PTCHD4: variants seen among roughly 807,000 people sequenced by gnomAD.
PTCHD4 encodes the protein patched domain-containing protein 4.
PTCHD4 carries 33 observed loss-of-function variants against 58.1 expected under a neutral mutation model. The ratio of observed to expected loss-of-function variants is 0.57; its 90% confidence interval spans 0.43 to 0.76. The LOEUF is 0.76. Ranked by LOEUF, PTCHD4 falls within the 30% of genes least tolerant of loss-of-function variation. The pLI is 0.00. For synonymous variants in PTCHD4, 478 were observed against 409.6 expected, an observed-to-expected ratio of 1.17 and a Z score of -2.02; for missense variants, 1,058 against 1,027.1, an observed-to-expected ratio of 1.03 and a Z score of -0.41.
At chr6:47,977,215 T>C (rs1767725727) in intron 4 of PTCHD4, among the ~76,000 whole-genome samples, 1 of 152,204 alleles carries the variant, frequency 6.6e-6, no homozygotes, top group South Asian at 2.1e-4. Context: ...CACCTCCTAG[T>C]ATTTATTCTC....
chr6:47,914,395 T>A (rs1765166052), intron 4 of PTCHD4, among the ~76,000 whole-genome samples: 1 of 152,036 alleles, frequency 6.6e-6, no homozygotes, highest in Admixed American at 6.6e-5. Flanking sequence ...ATGGGCCTTA[T>A]CCAACCCAGT....
At position 47,878,507 on chromosome 6, in the gene PTCHD4, G is replaced by A. The variant is rs747954378; in HGVS notation, c.2328C>T (p.Asn776=). The part of the protein sequence containing the change: ...GLVPLLFVPS[N]LTFTLFKCLL... ...AGCATTTGAACAGTGTGAAGGTCAG[G>A]TTCGAAGGCACAAATAGAAGGGGGA... Residue 776 remains asparagine (N), a synonymous_variant, in exon 5 of 5, where the codon AAC becomes AAT. Transcript: ENST00000339488. 6.2e-7 allele frequency: 1 copy of A among 1,613,284 alleles called. No individual in the cohort carries two copies. The highest frequency in any genetic ancestry group is 8.5e-7 in the Non-Finnish European group (1 of 1,179,688).
intron 4 of PTCHD4, among the ~76,000 whole-genome samples, chr6:47,910,620 C>T (rs183761095): frequency 6.6e-6 from 1 of 152,192 alleles, no homozygotes; most frequent in African/African-American, 2.4e-5. Flanking sequence ...AAGCTACTGA[C>T]TCCTTGTGAG....
intron 4 of PTCHD4, among the ~76,000 whole-genome samples, chr6:47,904,398 A>T (rs564608903): frequency 6.6e-6 from 1 of 152,354 alleles, no homozygotes; most frequent in East Asian, 1.9e-4. Flanking sequence ...GAACACAGTC[A>T]CACTCATTCA....
intron 4 of PTCHD4, among the ~76,000 whole-genome samples, chr6:47,950,396 T>C (rs1305168304): frequency 1.3e-5 from 2 of 152,028 alleles, no homozygotes; most frequent in African/African-American, 4.8e-5. Context: ...ATCTTGCTAG[T>C]GAGGAACAGT....
intron 3 of PTCHD4, among the ~76,000 whole-genome samples, chr6:48,031,724 A>C (rs1002700304): frequency 6.6e-6 from 1 of 152,098 alleles, no homozygotes; most frequent in Non-Finnish European, 1.5e-5. Flanking sequence ...CCAAAAATAC[A>C]TTAAACAAGG....
At chr6:47,914,320 G>T (rs1765162914) in intron 4 of PTCHD4, among the ~76,000 whole-genome samples, 1 of 152,120 alleles carries the variant, frequency 6.6e-6, no homozygotes, top group Non-Finnish European at 1.5e-5. Flanking sequence ...GTCTGTGAGG[G>T]TGATTCTGGA....
At chr6:47,902,864 C>T (rs1764756483) in intron 4 of PTCHD4, among the ~76,000 whole-genome samples, 1 of 152,094 alleles carries the variant, frequency 6.6e-6, no homozygotes, top group Admixed American at 6.5e-5. Context: ...ATAATAGTTT[C>T]CATTTAAAGT....
intron 4 of PTCHD4, among the ~76,000 whole-genome samples, chr6:47,957,329 T>C (rs962800718): frequency 1.3e-5 from 2 of 149,022 alleles, no homozygotes; most frequent in African/African-American, 2.4e-5. Flanking sequence ...CAAATCCCAC[T>C]TTGAGACTTA....
rs1765345187 is a variant in PTCHD4 at position 48,090,571 on chromosome 6, AC to A, written c.-970+20477del. Among the ~76,000 whole-genome samples the A allele has an allele frequency of 8.5e-5, 13 of 152,214 alleles. No individual in the cohort carries two copies. In the South Asian group the frequency reaches 2.7e-3, roughly 32 times the overall value. The stretch of plus-strand genomic sequence containing the variant: ...AATTCCAAAGCCTATGATTTTTTCT[AC>A]ACTAGGCTGGAAAAAAAAATCTCAG... On this transcript the variant is annotated intron_variant, in intron 1 of 4. Coordinates refer to ENST00000339488, the MANE Select transcript of PTCHD4 (RefSeq NM_001384253.1).
chr6:47,931,721 T>G (rs752631921), intron 4 of PTCHD4, among the ~76,000 whole-genome samples: 59 of 152,184 alleles, frequency 3.9e-4, no homozygotes, highest in Non-Finnish European at 7.8e-4. Context: ...ACATATAGAT[T>G]CTTCCTTCGG....
chr6:47,938,371 A>G (rs1766090184), intron 4 of PTCHD4, among the ~76,000 whole-genome samples: 1 of 152,186 alleles, frequency 6.6e-6, no homozygotes. Flanking sequence ...GTTGGTCTAT[A>G]GAACACCTCT....
At chr6:48,083,049 G>A (rs919539655) in intron 1 of PTCHD4, among the ~76,000 whole-genome samples, 18 of 151,038 alleles carry the variant, frequency 1.2e-4, no homozygotes, top group African/African-American at 3.6e-4. Context: ...ATAATTACCG[G>A]CATATTTGCA....
At position 47,858,569 on chromosome 6, in the gene PTCHD4, G is replaced by T. The variant is rs1361097524; in HGVS notation, c.*19734C>A. Among the ~76,000 whole-genome samples, 1 of 151,992 alleles carries T rather than the reference G, an allele frequency of 6.6e-6. No homozygotes were observed. Among genetic ancestry groups the T allele is most frequent in the Admixed American group, 6.6e-5 (1 of 15,228 alleles). On this transcript the variant is annotated 3_prime_UTR_variant, in exon 5 of 5. Coordinates refer to ENST00000339488, the MANE Select transcript of PTCHD4 (RefSeq NM_001384253.1). ...CATTTTTTACCACAGATAATGGAAT[G>T]CTACTTGACCAACATAAATTATCAA...
intron 4 of PTCHD4, among the ~76,000 whole-genome samples, chr6:47,911,926 T>G (rs1353789128): frequency 6.6e-6 from 1 of 151,988 alleles, no homozygotes; most frequent in Non-Finnish European, 1.5e-5. Flanking sequence ...AGAAGGTGGA[T>G]AGTGGAGGAG....
chr6:48,007,910 C>T (rs756707314), intron 4 of PTCHD4, among the ~76,000 whole-genome samples: 3 of 147,476 alleles, frequency 2.0e-5, no homozygotes, highest in Non-Finnish European at 4.5e-5. Context: ...ATTTGATCTT[C>T]TCTTTGAAAG....
At chr6:48,025,737 G>T (rs1763222132) in intron 3 of PTCHD4, among the ~76,000 whole-genome samples, 1 of 152,126 alleles carries the variant, frequency 6.6e-6, no homozygotes. Flanking sequence ...AATGCATATT[G>T]CTGTGTCAAT....
intron 1 of PTCHD4, among the ~76,000 whole-genome samples, chr6:48,079,565 A>G (rs1765124218): frequency 6.6e-6 from 1 of 151,668 alleles, no homozygotes; most frequent in Admixed American, 6.6e-5. Context: ...CAGAGGAGAA[A>G]AAGGCAGTGA....
chr6:48,063,808 G>A (rs17717879), intron 3 of PTCHD4, among the ~76,000 whole-genome samples: 25,723 of 152,048 alleles, frequency 0.17, 2,785 homozygotes, highest in Non-Finnish European at 0.24. Flanking sequence ...TACCTTATAC[G>A]GTTTTAGAAT....
Sources: allele counts gnomAD v4.1 joint callset (sites outside exome capture counted in the v4.1 genomes callset), GRCh38; gene constraint gnomAD v4.1.1; transcripts MANE v1.5; gene names NCBI Gene and HGNC (gene_info 2026-07-23, HGNC 2026-07-21).